Variants in CHRNA7 observed in about 807,000 individuals in gnomAD.
The protein encoded by CHRNA7 is neuronal acetylcholine receptor subunit alpha-7.
In CHRNA7, 17 loss-of-function variants were observed where a neutral mutation model predicts 48.0. The ratio of observed to expected loss-of-function variants is 0.35; its 90% CI spans 0.24 to 0.53. CHRNA7 has a LOEUF of 0.53. CHRNA7 is among the 20% of genes least tolerant of loss of function. CHRNA7 has a pLI of 0.92. For synonymous variants in CHRNA7, 75 were observed against 242.3 expected (o/e 0.31, Z 6.41); for missense variants, 155 against 577.7 (o/e 0.27, Z 7.50).
rs548750848 is a variant in CHRNA7, at chr15:32,037,466, C to A, written c.195+6429C>A. Among the ~76,000 whole-genome samples, 12 of 152,260 alleles carry A rather than the reference C, an allele frequency of 7.9e-5. No homozygotes were observed. In the South Asian group the frequency reaches 2.5e-3, roughly 32 times the overall value. On this transcript the variant is annotated intron_variant, in intron 2 of 9. Coordinates refer to ENST00000306901, the MANE Select transcript of CHRNA7 (RefSeq NM_000746.6). ...TGCTTTATCGATACCCACAAAATAA[C>A]CTTCTGGGATTTGATTGAATCTGTA...
At chr15:32,152,451 A>G (rs114666755) in intron 4 of CHRNA7, among the ~76,000 whole-genome samples, 2,512 of 152,168 alleles carry the variant, frequency 0.017, 67 homozygotes, top group African/African-American at 0.057. Flanking sequence ...TCAAAAAAAA[A>G]GGGAAGCGTA....
At chr15:32,067,814 G>A (rs2141213426) in intron 2 of CHRNA7, among the ~76,000 whole-genome samples, 1 of 152,302 alleles carries the variant, frequency 6.6e-6, no homozygotes, top group South Asian at 2.1e-4. Context: ...CTTTAAGTTA[G>A]TATCAATCCA....
At chr15:32,050,134 T>C (rs1188023118) in intron 2 of CHRNA7, among the ~76,000 whole-genome samples, 1 of 152,210 alleles carries the variant, frequency 6.6e-6, no homozygotes, top group African/African-American at 2.4e-5. Flanking sequence ...TTGGAGTTGC[T>C]CTTCTCGATG....
intron 4 of CHRNA7, among the ~76,000 whole-genome samples, chr15:32,135,955 A>G (rs979786441): frequency 3.3e-5 from 5 of 152,226 alleles, no homozygotes; most frequent in African/African-American, 1.2e-4. Context: ...AATAATTGTC[A>G]ACCTAGAGTT....
intron 4 of CHRNA7, among the ~76,000 whole-genome samples, chr15:32,132,530 T>C (rs760722778): frequency 2.0e-5 from 3 of 152,192 alleles, no homozygotes; most frequent in Non-Finnish European, 4.4e-5. Flanking sequence ...CTTTAAATAA[T>C]AGAAATTTAT....
chr15:32,101,074 C>G (rs889710653), intron 2 of CHRNA7: 3 of 455,144 alleles, frequency 6.6e-6, no homozygotes, highest in Non-Finnish European at 1.1e-5. Flanking sequence ...CTTCTTTATA[C>G]TTTTCCATCT....
chr15:32,116,535 A>G lies in CHRNA7; in HGVS notation c.350+4636A>G, dbSNP rs538635155. On this transcript the variant is annotated intron_variant, in intron 4 of 9. Transcript: ENST00000306901. ...TTGCTTTACTTTAAGCCTGCGGCTC[A>G]AGGAGTTTTCTGAACACCATCTTGC... Among the ~76,000 whole-genome samples, 80 of 152,340 alleles carry G rather than the reference A, an allele frequency of 5.3e-4. 1 individual carries two copies. The South Asian group carries it at 0.016, about 30-fold the overall frequency.
intron 4 of CHRNA7, among the ~76,000 whole-genome samples, chr15:32,116,071 T>C (rs961598762): frequency 4.6e-5 from 7 of 152,116 alleles, no homozygotes; most frequent in African/African-American, 1.7e-4. Context: ...GCGTGGAAAA[T>C]AATATGTTCT....
chr15:32,088,777 T>A (rs1217111119), intron 2 of CHRNA7, among the ~76,000 whole-genome samples: 1 of 152,222 alleles, frequency 6.6e-6, no homozygotes, highest in African/African-American at 2.4e-5. Context: ...TTAGGTTGTT[T>A]GTTAATGTAT....
chr15:32,149,350 C>T lies in CHRNA7; in HGVS notation c.351-4557C>T, dbSNP rs892340248. On this transcript the variant is annotated intron_variant, in intron 4 of 9. Transcript: ENST00000306901. The surrounding 1 kb of genome is among the most constrained non-coding windows in gnomAD (Gnocchi z 4.6). ...TGGTGAGGGGGTCACTGTTGGCTGG[C>T]ATCTGTCGGGCATCCCCGGGGAAGC... Among the ~76,000 whole-genome samples, 7 of 152,190 alleles carry T rather than the reference C, an allele frequency of 4.6e-5. No homozygotes were observed. The highest frequency in any genetic ancestry group is 2.6e-4 in the Admixed American group (4 of 15,288).
chr15:32,030,968 G>A lies in CHRNA7; in HGVS notation c.126G>A (p.Arg42=), dbSNP rs1019843752. The change falls in exon 2 of 10, where the codon AGG becomes AGA. Residue 42 remains arginine (R), a synonymous_variant. Coordinates refer to ENST00000306901, the MANE Select transcript of CHRNA7 (RefSeq NM_000746.6). ...ELVKNYNPLE[R]PVANDSQPLT... ...TCAAGAACTACAATCCCTTGGAGAG[G>A]CCCGTGGCCAATGACTCGCAACCAC... The A allele has an allele frequency of 1.2e-6, 2 of 1,614,220 alleles. No homozygotes were observed. The highest frequency in any genetic ancestry group is 1.7e-6 in the Non-Finnish European group (2 of 1,180,030).
At chr15:32,058,862 A>G (rs1275478450) in intron 2 of CHRNA7, among the ~76,000 whole-genome samples, 2 of 152,182 alleles carry the variant, frequency 1.3e-5, no homozygotes, top group African/African-American at 4.8e-5. Context: ...ATCTATATGT[A>G]TATAACTTTA....
intron 2 of CHRNA7, among the ~76,000 whole-genome samples, chr15:32,076,977 A>G (rs1474589038): frequency 6.6e-6 from 1 of 152,112 alleles, no homozygotes; most frequent in Admixed American, 6.5e-5. Context: ...GTCTTTTTAT[A>G]GTATCTATAA....
At chr15:32,135,513 T>C (rs2051239806) in intron 4 of CHRNA7, among the ~76,000 whole-genome samples, 3 of 152,192 alleles carry the variant, frequency 2.0e-5, no homozygotes, top group Admixed American at 2.0e-4. Context: ...AACTTCCGCA[T>C]CTATCAGCTG....
intron 2 of CHRNA7, among the ~76,000 whole-genome samples, chr15:32,047,463 C>T (rs2049572983): frequency 6.6e-6 from 1 of 152,040 alleles, no homozygotes; most frequent in Admixed American, 6.6e-5. Context: ...CATGATTTGG[C>T]TCTCTGTTTG....
chr15:32,065,665 T>C (rs1384299794), intron 2 of CHRNA7, among the ~76,000 whole-genome samples: 1 of 152,248 alleles, frequency 6.6e-6, no homozygotes, highest in African/African-American at 2.4e-5. Flanking sequence ...TGACTGACCT[T>C]GAGACTGTGC....
intron 4 of CHRNA7, among the ~76,000 whole-genome samples, chr15:32,127,916 GT>G: frequency 6.6e-6 from 1 of 151,934 alleles, no homozygotes. Context: ...TTCCTCCTAT[GT>G]TTTGTTCTAA....
intron 2 of CHRNA7, among the ~76,000 whole-genome samples, chr15:32,071,556 G>T (rs938579528): frequency 2.6e-5 from 4 of 152,154 alleles, no homozygotes; most frequent in Admixed American, 6.5e-5. Context: ...AGTATTGGAG[G>T]TGGGGCCTGG....
intron 5 of CHRNA7, chr15:32,156,000 C>T (rs2051731179): frequency 1.2e-5 from 1 of 83,024 alleles, no homozygotes; most frequent in Non-Finnish European, 2.5e-5. Context: ...AGAGAATTTA[C>T]ATATCATGCA....
Sources: gnomAD v4.1 joint callset for allele counts (sites outside exome capture counted in the v4.1 genomes callset) on GRCh38, gnomAD v4.1.1 for gene constraint, Gnocchi (gnomAD v3.1) non-coding constraint, MANE v1.5 for transcripts, NCBI Gene and HGNC (gene_info 2026-07-23, HGNC 2026-07-21) for gene names.